The following TENM3 variants were observed in gnomAD, a reference collection of about 807,000 sequenced individuals.
TENM3 encodes the protein teneurin-3.
TENM3 carries 63 observed loss-of-function variants against 255.1 expected under a neutral mutation model. That is an observed-to-expected ratio of 0.25 (90% CI 0.20 to 0.30). The LOEUF is 0.30. Among genes scored for constraint, TENM3 ranks in the 10% least tolerant of loss-of-function variants. The pLI, the probability that TENM3 is intolerant of heterozygous loss-of-function variation, is 1.00. For missense variants in TENM3, 2,929 were observed against 3,461.1 expected, an observed-to-expected ratio of 0.85 and a Z score of 3.86; for synonymous variants, 1,306 against 1,322.3, an observed-to-expected ratio of 0.99 and a Z score of 0.27.
intron 7 of TENM3, among the ~76,000 whole-genome samples, chr4:182,675,160 G>A (rs1348557456): frequency 6.6e-6 from 1 of 152,104 alleles, no homozygotes; most frequent in Non-Finnish European, 1.5e-5. Flanking sequence ...ACAGGCGTGA[G>A]CCACCGCACC....
chr4:182,740,266 C>T (rs893750543), intron 18 of TENM3, among the ~76,000 whole-genome samples: 1 of 152,190 alleles, frequency 6.6e-6, no homozygotes, highest in Non-Finnish European at 1.5e-5. Flanking sequence ...CCACATGCAG[C>T]ACACATTGAA....
At chr4:182,525,162 G>A (rs915860018) in intron 3 of TENM3, among the ~76,000 whole-genome samples, 2 of 152,322 alleles carry the variant, frequency 1.3e-5, no homozygotes, top group South Asian at 4.1e-4. Flanking sequence ...TGTACCTGCC[G>A]ATTCCCTGCC....
chr4:182,084,906 T>A, the TENM3 span: 1 of 152,184 alleles, frequency 6.6e-6, no homozygotes, highest in African/African-American at 2.4e-5. Context: ...GAGTGGAAGA[T>A]AATAGCCTTC....
chr4:182,659,951 C>T (rs1254619436), intron 6 of TENM3, among the ~76,000 whole-genome samples: 2 of 152,160 alleles, frequency 1.3e-5, no homozygotes, highest in African/African-American at 2.4e-5. Context: ...TGATCATTAA[C>T]GCCTGTGCTA....
intron 6 of TENM3, among the ~76,000 whole-genome samples, chr4:182,656,909 C>A (rs1158615037): frequency 6.6e-6 from 1 of 152,154 alleles, no homozygotes. Flanking sequence ...ATTCCTGAGA[C>A]CTTCTTTGCC....
chr4:181,819,485 A>G, the TENM3 span, among the ~76,000 whole-genome samples: 1 of 152,310 alleles, frequency 6.6e-6, no homozygotes, highest in East Asian at 1.9e-4. Flanking sequence ...CTATAATCTC[A>G]TTGACATGCC....
chr4:181,494,973 T>A, the TENM3 span, among the ~76,000 whole-genome samples: 1 of 152,168 alleles, frequency 6.6e-6, no homozygotes, highest in Non-Finnish European at 1.5e-5. Flanking sequence ...AGTTATCTCT[T>A]ATTTTTTCTT....
chr4:181,916,935 T>A, the TENM3 span, among the ~76,000 whole-genome samples: 1 of 152,078 alleles, frequency 6.6e-6, no homozygotes, highest in African/African-American at 2.4e-5. Flanking sequence ...ATGGATTATG[T>A]CTAAGTAACT....
the TENM3 span, among the ~76,000 whole-genome samples, chr4:182,052,479 G>A: frequency 6.6e-6 from 1 of 152,152 alleles, no homozygotes; most frequent in Non-Finnish European, 1.5e-5. Flanking sequence ...TCAAGGGCCA[G>A]CTGGGCTGTT....
At chr4:181,747,543 A>G in the TENM3 span, among the ~76,000 whole-genome samples, 3 of 151,924 alleles carry the variant, frequency 2.0e-5, no homozygotes, top group Non-Finnish European at 4.4e-5. Flanking sequence ...CCACTTTTCT[A>G]TTGTGCTAAT....
At chr4:182,682,118 G>A (rs1415058952) in intron 11 of TENM3, 104 bp downstream of exon 11, 4 of 876,346 alleles carry the variant, frequency 4.6e-6, no homozygotes, top group Non-Finnish European at 7.0e-6. Context: ...ACAAATTTTA[G>A]TAAAGTGATT....
At chr4:182,247,542 A>C (rs960781495) in intron 1 of TENM3, among the ~76,000 whole-genome samples, 1 of 152,222 alleles carries the variant, frequency 6.6e-6, no homozygotes, top group Non-Finnish European at 1.5e-5. Context: ...TTCTAGTCAC[A>C]AAGTGTTGTT....
chr4:182,245,415 G>C (rs1385678391), intron 1 of TENM3, among the ~76,000 whole-genome samples: 2 of 152,174 alleles, frequency 1.3e-5, no homozygotes, highest in Non-Finnish European at 2.9e-5. Context: ...TGCTTCTCAG[G>C]TGGCCCCAAG....
At chr4:181,583,701 T>A in the TENM3 span, among the ~76,000 whole-genome samples, 1 of 152,212 alleles carries the variant, frequency 6.6e-6, no homozygotes, top group African/African-American at 2.4e-5. Flanking sequence ...TGATTTTGAC[T>A]GTGTTACCTG....
chr4:182,353,036 A>G (rs1361950854), intron 3 of TENM3, among the ~76,000 whole-genome samples: 1 of 152,178 alleles, frequency 6.6e-6, no homozygotes, highest in African/African-American at 2.4e-5. Context: ...CTAGCCAGCT[A>G]TGTCATGTAC....
the TENM3 span, among the ~76,000 whole-genome samples, chr4:181,939,870 A>G: frequency 6.6e-6 from 1 of 152,202 alleles, no homozygotes; most frequent in African/African-American, 2.4e-5. Flanking sequence ...TTCAACAACC[A>G]CTATTTCATT....
chr4:182,436,416 G>A (rs1369605248), intron 3 of TENM3, among the ~76,000 whole-genome samples: 1 of 152,176 alleles, frequency 6.6e-6, no homozygotes, highest in Non-Finnish European at 1.5e-5. Context: ...TAAGCTTCGA[G>A]TTCCTTTTAG....
At chr4:182,613,575 C>G (rs1024865603) in intron 4 of TENM3, among the ~76,000 whole-genome samples, 7 of 152,094 alleles carry the variant, frequency 4.6e-5, no homozygotes, top group African/African-American at 1.7e-4. Flanking sequence ...TTACTTAAGA[C>G]TATGAGAAGT....
chr4:182,585,917 T>C (rs550588150), intron 3 of TENM3, among the ~76,000 whole-genome samples: 13 of 152,332 alleles, frequency 8.5e-5, no homozygotes, highest in African/African-American at 3.1e-4. Context: ...TGAAGAAAGA[T>C]GCAGGCTTCC....
Sources: gnomAD v4.1 joint callset for allele counts (sites outside exome capture counted in the v4.1 genomes callset) on GRCh38, gnomAD v4.1.1 for gene constraint, MANE v1.5 for transcripts, NCBI Gene and HGNC (gene_info 2026-07-23, HGNC 2026-07-21) for gene names.